RPL30: variants seen among roughly 807,000 people sequenced by gnomAD.
The protein encoded by RPL30 is ribosomal protein L30, also known as large ribosomal subunit protein eL30.
For synonymous variants in RPL30, 40 were observed against 50.4 expected (o/e 0.79, Z 0.87); for missense variants, 60 against 138.0 (o/e 0.43, Z 2.83).
chr8:98,042,285 T>C (rs977254791), intron 4 of RPL30: 8 of 494,502 alleles, frequency 1.6e-5, no homozygotes, highest in Non-Finnish European at 2.7e-5. Context: ...CTTTTTTTTT[T>C]CTCAAGCTAA....
At chr8:98,045,264 C>T (rs1163568913) in intron 2 of RPL30, 83 bp downstream of exon 2, 1 of 1,592,390 alleles carries the variant, frequency 6.3e-7, no homozygotes, top group Non-Finnish European at 8.6e-7. Flanking sequence ...CATGCTGTCA[C>T]CCCCGTGGGC....
At chr8:98,041,951 G>T in intron 4 of RPL30, 101 bp from the exon 5 acceptor site, 3 of 880,848 alleles carry the variant, frequency 3.4e-6, no homozygotes, top group Non-Finnish European at 3.7e-6. Flanking sequence ...TGTAGACAAT[G>T]GTCTGCAAAT....
At chr8:98,045,254 C>T (rs1458930037) in intron 2 of RPL30, 93 bp downstream of exon 2, 3 of 1,582,048 alleles carry the variant, frequency 1.9e-6, no homozygotes, top group Non-Finnish European at 2.6e-6. Context: ...TGCCAGCAGG[C>T]ATGCTGTCAC....
At chr8:98,042,563 A>AT in intron 4 of RPL30, 82 bp downstream of exon 4, 1 of 1,342,154 alleles carries the variant, frequency 7.5e-7, no homozygotes, top group African/African-American at 1.5e-5. Context: ...AACCAAAGAC[A>AT]TTTGCGTAGT....
chr8:98,042,307 T>C (rs2130480046), intron 4 of RPL30: 1 of 463,844 alleles, frequency 2.2e-6, no homozygotes, highest in East Asian at 5.6e-5. Flanking sequence ...TTTACATGTC[T>C]GTTCTCAAGA....
Position 98,041,762 on chromosome 8 carries a change from G to A in RPL30, c.*39C>T, listed in dbSNP as rs7004887. ...ATTTTATTAAAGGAAAATTTTGCAG[G>A]TTTAAGGTTTGCAGGTGAAATTTTG... On this transcript the variant is annotated 3_prime_UTR_variant, in exon 5 of 5. Coordinates refer to ENST00000287038, the MANE Select transcript of RPL30 (RefSeq NM_000989.4). 1 of 1,471,812 alleles carries A rather than the reference G, an allele frequency of 6.8e-7. No homozygotes were observed. The highest frequency in any genetic ancestry group is 9.4e-7 in the Non-Finnish European group (1 of 1,065,950). The allele number at this position is 1,471,812 out of a possible 1,614,324, so 91.2% of individuals were successfully genotyped here.
At chr8:98,044,674 GTGTC>G in intron 3 of RPL30, 1 of 417,822 alleles carries the variant, frequency 2.4e-6, no homozygotes, top group South Asian at 4.9e-5. Context: ...AAACAGTAAT[GTGTC>G]TGTGTTTCCA....
At chr8:98,042,494 T>C in intron 4 of RPL30, 151 bp downstream of exon 4, 1 of 729,168 alleles carries the variant, frequency 1.4e-6, no homozygotes, top group Non-Finnish European at 2.2e-6. Flanking sequence ...TTACCAATTC[T>C]CTACAAAATA....
chr8:98,043,718 G>C (rs1341163701), intron 3 of RPL30: 1 of 151,774 alleles, frequency 6.6e-6, no homozygotes, highest in African/African-American at 2.4e-5. Context: ...CAAATTAGTA[G>C]ATACTAATGG....
chr8:98,045,444 T>C, intron 1 of RPL30, 45 bp from the exon 2 acceptor site: 3 of 1,580,806 alleles, frequency 1.9e-6, no homozygotes, highest in East Asian at 2.2e-5. Context: ...GATCCGGAGT[T>C]ACAAATGGCA....
intron 3 of RPL30, chr8:98,043,358 T>G (rs1814414829): frequency 6.6e-6 from 1 of 150,600 alleles, no homozygotes; most frequent in Non-Finnish European, 1.5e-5. Flanking sequence ...ACTCCTGACC[T>G]CAAGGGATCC....
At chr8:98,042,226 G>C (rs1227628058) in intron 4 of RPL30, 1 of 531,982 alleles carries the variant, frequency 1.9e-6, no homozygotes, top group Admixed American at 2.1e-5. Context: ...AGTATTCTAT[G>C]AATCAAAGAT....
At chr8:98,042,227 A>C (rs1268507011) in intron 4 of RPL30, 1 of 532,772 alleles carries the variant, frequency 1.9e-6, no homozygotes, top group Non-Finnish European at 3.6e-6. Flanking sequence ...GTATTCTATG[A>C]ATCAAAGATT....
In RPL30 at chr8:98,042,560, G is replaced by T. The variant is rs1814396586; in HGVS notation, c.298+85C>A. ...ATTCTATCTGAATTTAGGAACCAAA[G>T]ACATTTGCGTAGTAAGAAATACTTG... On this transcript the variant is annotated intron_variant, in intron 4 of 4. Coordinates refer to ENST00000287038, the MANE Select transcript of RPL30 (RefSeq NM_000989.4). 3 of 1,301,992 alleles carry T rather than the reference G, an allele frequency of 2.3e-6. No individual in the cohort carries two copies. The African/African-American group carries it at 4.6e-5, about 20-fold the overall frequency. The allele number at this position is 1,301,992 out of a possible 1,614,324, so 80.7% of individuals were successfully genotyped here. A position where few individuals can be genotyped will look rare whatever the true frequency, so the allele number is the denominator to read the frequency against.
chr8:98,045,222 A>T (rs1814454667), intron 2 of RPL30, 125 bp downstream of exon 2: 2 of 1,483,362 alleles, frequency 1.3e-6, no homozygotes, highest in Non-Finnish European at 1.9e-6. Context: ...GGCCACTGGG[A>T]TTCCTTCTGG....
intron 2 of RPL30, 91 bp from the exon 3 acceptor site, chr8:98,045,179 C>A: frequency 6.4e-7 from 1 of 1,560,592 alleles, no homozygotes; most frequent in Non-Finnish European, 8.7e-7. Context: ...GCCCCTTAAA[C>A]TTCCGAAGTC....
Position 98,041,790 on chromosome 8 carries a change from GGT to G in RPL30, c.*9_*10del, listed in dbSNP as rs1438725463. The G allele has an allele frequency of 1.3e-6, 2 of 1,583,518 alleles. No homozygotes were observed. The highest frequency in any genetic ancestry group is 4.5e-5 in the East Asian group (2 of 44,456). On this transcript the variant is annotated 3_prime_UTR_variant, in exon 5 of 5. Coordinates refer to ENST00000287038, the MANE Select transcript of RPL30 (RefSeq NM_000989.4). ...TAAGGTTTGCAGGTGAAATTTTGTA[GGT>G]GAAAAGGTTTACTTTTCACCAGTCT... is the stretch of plus-strand genomic sequence containing the variant.
chr8:98,042,937 C>T, intron 3 of RPL30, 162 bp from the exon 4 acceptor site: 1 of 614,532 alleles, frequency 1.6e-6, no homozygotes, highest in South Asian at 2.5e-5. Flanking sequence ...CCAATACAAA[C>T]CAACATTTGT....
At chr8:98,043,754 T>C (rs1814425961) in intron 3 of RPL30, 1 of 152,038 alleles carries the variant, frequency 6.6e-6, no homozygotes, top group Admixed American at 6.5e-5. Flanking sequence ...AGGAGTCCTA[T>C]ACTATCTTGC....
Sources: gnomAD v4.1 joint callset for allele counts on GRCh38, gnomAD v4.1.1 for gene constraint, MANE v1.5 for transcripts, NCBI Gene and HGNC (gene_info 2026-07-23, HGNC 2026-07-21) for gene names.